The following SCFD2 variants were observed in gnomAD, a reference collection of about 807,000 sequenced individuals.
SCFD2 encodes sec1 family domain-containing protein 2.
SCFD2 carries 54 observed loss-of-function variants against 58.9 expected under a neutral mutation model. The ratio of observed to expected loss-of-function variants is 0.92; its 90% CI spans 0.74 to 1.15. The LOEUF (loss-of-function observed/expected upper bound fraction) is 1.15. Ranked by LOEUF, SCFD2 falls within the 50% of genes most tolerant of loss-of-function variation. SCFD2 has a pLI of 0.00. For missense variants in SCFD2, 805 were observed against 836.6 expected (o/e 0.96, Z 0.47); for synonymous variants, 321 against 335.9 (o/e 0.96, Z 0.49).
At chr4:53,247,613 A>G (rs1447237113) in intron 4 of SCFD2, among the ~76,000 whole-genome samples, 1 of 151,450 alleles carries the variant, frequency 6.6e-6, no homozygotes, top group Non-Finnish European at 1.5e-5. Context: ...TAATCCCAGC[A>G]CTTTGGGAGG....
At chr4:52,909,426 G>T (rs1016605881) in intron 6 of SCFD2, among the ~76,000 whole-genome samples, 4 of 152,192 alleles carry the variant, frequency 2.6e-5, no homozygotes, top group African/African-American at 4.8e-5. Flanking sequence ...AAAGCAAGGT[G>T]AGGATACTGT....
intron 4 of SCFD2, among the ~76,000 whole-genome samples, chr4:53,152,621 T>C (rs755082976): frequency 1.4e-4 from 22 of 152,172 alleles, no homozygotes; most frequent in Non-Finnish European, 1.9e-4. Flanking sequence ...AAATCTCATG[T>C]CCTCGCAATA....
chr4:53,326,548 G>A (rs572007646), intron 2 of SCFD2, among the ~76,000 whole-genome samples: 1 of 152,236 alleles, frequency 6.6e-6, no homozygotes, highest in South Asian at 2.1e-4. Context: ...CATTATAAAT[G>A]GGGGAACGTT....
chr4:52,901,661 T>C (rs1190775002), intron 7 of SCFD2, among the ~76,000 whole-genome samples: 2 of 152,212 alleles, frequency 1.3e-5, no homozygotes, highest in East Asian at 1.9e-4. Flanking sequence ...GTAAAATGAA[T>C]GATCAATATT....
At chr4:53,015,882 C>T (rs1005149684) in intron 5 of SCFD2, among the ~76,000 whole-genome samples, 1 of 152,130 alleles carries the variant, frequency 6.6e-6, no homozygotes, top group African/African-American at 2.4e-5. Context: ...TTTCAAAGAA[C>T]AAAATGCATT....
chr4:53,187,645 A>G (rs1390046115), intron 4 of SCFD2, among the ~76,000 whole-genome samples: 1 of 152,104 alleles, frequency 6.6e-6, no homozygotes, highest in Non-Finnish European at 1.5e-5. Flanking sequence ...CCATAAATGA[A>G]ACAAATATGA....
chr4:52,999,362 T>A lies in SCFD2; in HGVS notation c.1562-78492A>T, dbSNP rs557185195. Among the ~76,000 whole-genome samples, 4 of 152,298 alleles carry A rather than the reference T, an allele frequency of 2.6e-5. No homozygotes were observed. The South Asian group carries it at 8.3e-4, about 32-fold the overall frequency. On this transcript the variant is annotated intron_variant, in intron 5 of 8. Coordinates refer to ENST00000401642, the MANE Select transcript of SCFD2 (RefSeq NM_152540.4). ...TCATTTGTATTCCATTTAATAACTC[T>A]CATCAGATTGCAATTCTGTTCCTCT...
intron 4 of SCFD2, among the ~76,000 whole-genome samples, chr4:53,173,767 T>C (rs994509173): frequency 2.0e-5 from 3 of 152,154 alleles, no homozygotes; most frequent in Non-Finnish European, 4.4e-5. Context: ...TGCTTTGTGG[T>C]TACCATGAGG....
At chr4:53,167,225 C>T (rs1385483321) in intron 4 of SCFD2, among the ~76,000 whole-genome samples, 4 of 152,176 alleles carry the variant, frequency 2.6e-5, no homozygotes, top group South Asian at 2.1e-4. Flanking sequence ...CTCCCTACTG[C>T]GTATACCCAG....
chr4:53,266,771 C>T (rs1577914625), intron 4 of SCFD2, among the ~76,000 whole-genome samples: 1 of 152,314 alleles, frequency 6.6e-6, no homozygotes. Context: ...GCCTAAAACA[C>T]TGACAGTGAT....
At chr4:52,995,970 C>A (rs943828460) in intron 5 of SCFD2, among the ~76,000 whole-genome samples, 1 of 152,216 alleles carries the variant, frequency 6.6e-6, no homozygotes, top group African/African-American at 2.4e-5. Flanking sequence ...TAAAACAGGG[C>A]TCTCAGTCAA....
chr4:53,176,862 T>A (rs1219280592), intron 4 of SCFD2, among the ~76,000 whole-genome samples: 45 of 147,870 alleles, frequency 3.0e-4, no homozygotes, highest in Admixed American at 1.4e-3. Flanking sequence ...GGCAGGAGAA[T>A]CACTTGAACC....
chr4:53,314,391 A>G (rs948909808), intron 2 of SCFD2, among the ~76,000 whole-genome samples: 47 of 152,340 alleles, frequency 3.1e-4, no homozygotes, highest in African/African-American at 1.1e-3. Flanking sequence ...GAAGCACTGC[A>G]TTATATGCAA....
intron 3 of SCFD2, among the ~76,000 whole-genome samples, chr4:53,303,231 C>T (rs1018391471): frequency 5.3e-5 from 8 of 152,078 alleles, no homozygotes; most frequent in Non-Finnish European, 1.2e-4. Context: ...CCAGAATGTA[C>T]AATGAACTCA....
chr4:53,210,757 T>TTACA (rs759598879), intron 4 of SCFD2, among the ~76,000 whole-genome samples: 42 of 152,084 alleles, frequency 2.8e-4, no homozygotes, highest in Non-Finnish European at 4.9e-4. Flanking sequence ...ACAGCCTTTG[T>TTACA]TACAGTCTTT....
At chr4:52,893,430 C>T (rs1252577668) in intron 7 of SCFD2, among the ~76,000 whole-genome samples, 1 of 152,182 alleles carries the variant, frequency 6.6e-6, no homozygotes, top group Non-Finnish European at 1.5e-5. Flanking sequence ...ATGTTCAGCT[C>T]TCACCATCCA....
chr4:53,101,922 T>C (rs552504959), intron 5 of SCFD2, among the ~76,000 whole-genome samples: 5 of 152,032 alleles, frequency 3.3e-5, no homozygotes, highest in African/African-American at 1.2e-4. Flanking sequence ...AATTTTCACA[T>C]GAAACAATAG....
chr4:53,152,287 T>C (rs1486052331), intron 4 of SCFD2, among the ~76,000 whole-genome samples: 24 of 151,852 alleles, frequency 1.6e-4, no homozygotes, highest in Admixed American at 1.3e-3. Context: ...GTACTCAGCA[T>C]CATTAATCAA....
rs1039103750 is a variant in SCFD2, at chr4:53,165,737, G to C, written c.1312-20155C>G. ...AACACTCACGGAGACCAGGATTGTTGAATGTTTGAGTGTTTTGCTCACTGC... is the reference window on the plus strand; with the variant it reads ...AACACTCACGGAGACCAGGATTGTTCAATGTTTGAGTGTTTTGCTCACTGC... On this transcript the variant is annotated intron_variant, in intron 4 of 8. Coordinates refer to ENST00000401642, the MANE Select transcript of SCFD2 (RefSeq NM_152540.4). Among the ~76,000 whole-genome samples the C allele has an allele frequency of 2.6e-5, 4 of 152,110 alleles. No homozygotes were observed. The South Asian group carries it at 8.3e-4, about 32-fold the overall frequency.
Sources: gnomAD v4.1 joint callset for allele counts (sites outside exome capture counted in the v4.1 genomes callset) on GRCh38, gnomAD v4.1.1 for gene constraint, MANE v1.5 for transcripts, NCBI Gene and HGNC (gene_info 2026-07-23, HGNC 2026-07-21) for gene names.